ZMIZ1: variants seen among roughly 807,000 people sequenced by gnomAD.
The protein encoded by ZMIZ1 is zinc finger MIZ domain-containing protein 1.
Under a neutral mutation model 113.9 loss-of-function variants are expected in ZMIZ1, and 17 were observed. That is an observed-to-expected ratio of 0.15 (90% CI 0.10 to 0.22). The LOEUF is 0.22. Among genes scored for constraint, ZMIZ1 ranks in the 10% least tolerant of loss-of-function variants. ZMIZ1 has a pLI of 1.00. For synonymous variants in ZMIZ1, 607 were observed against 603.1 expected (o/e 1.01, Z -0.09); for missense variants, 1,059 against 1,477.8 (o/e 0.72, Z 4.65).
In ZMIZ1 at chr10:79,292,151, C is replaced by A. The variant is rs748669899; in HGVS notation, c.759-7C>A. On this transcript the variant is annotated splice_region_variant and splice_polypyrimidine_tract_variant and intron_variant, in intron 10 of 24. Coordinates refer to ENST00000334512, the MANE Select transcript of ZMIZ1 (RefSeq NM_020338.4). ...TACCTAACTCTTCCACCCTTCTCCCCCTGCAGTTACCCTGGGGGTCCTAAC... is the reference window on the plus strand; with the variant it reads ...TACCTAACTCTTCCACCCTTCTCCCACTGCAGTTACCCTGGGGGTCCTAAC... 1.4e-5 allele frequency: 23 copies of A among 1,604,688 alleles called. No homozygotes were observed. Among genetic ancestry groups the A allele is most frequent in the Non-Finnish European group, 1.4e-5 (16 of 1,174,388 alleles).
At position 79,203,463 on chromosome 10, in the gene ZMIZ1, C is replaced by T. The variant is rs183698363; in HGVS notation, c.60+1771C>T. 1.1e-3 allele frequency among the ~76,000 whole-genome samples: 160 copies of T among 152,232 alleles called. 2 individuals are homozygous for T. The South Asian group carries it at 0.029, about 27-fold the overall frequency. On this transcript the variant is annotated intron_variant, in intron 5 of 24. Coordinates refer to ENST00000334512, the MANE Select transcript of ZMIZ1 (RefSeq NM_020338.4). ...ACACTCCCTCCTCCCACTCAGGGTT[C>T]TGCAGGGCTCTTTCCTAGCTCTACC... is the stretch of plus-strand genomic sequence containing the variant.
intron 4 of ZMIZ1, among the ~76,000 whole-genome samples, chr10:79,193,661 G>A (rs915953109): frequency 3.3e-5 from 5 of 152,158 alleles, no homozygotes; most frequent in African/African-American, 9.7e-5. Flanking sequence ...GTGCTGCTAC[G>A]ATGGGGGTGT....
At chr10:79,215,427 A>G (rs1848683995) in intron 6 of ZMIZ1, among the ~76,000 whole-genome samples, 1 of 151,730 alleles carries the variant, frequency 6.6e-6, no homozygotes, top group African/African-American at 2.4e-5. Context: ...AGCCTCCAGA[A>G]TTGCTGGGAT....
intron 9 of ZMIZ1, among the ~76,000 whole-genome samples, chr10:79,290,589 G>A (rs373042350): frequency 1.3e-4 from 20 of 152,258 alleles, no homozygotes; most frequent in South Asian, 4.2e-4. Context: ...ATCCAGGCTC[G>A]TTTGTGGGGC....
At position 79,275,641 on chromosome 10, in the gene ZMIZ1, T is replaced by C. The variant is rs370143742; in HGVS notation, c.281-1540T>C. Among the ~76,000 whole-genome samples the C allele has an allele frequency of 3.0e-4, 46 of 152,350 alleles. No homozygotes were observed. The East Asian group carries it at 8.5e-3, about 28-fold the overall frequency. ...TACAAGAGGCCTGAGGGGTTCCTTA[T>C]TGAGTCAGAGGGGCTGGGGAGCTGT... On this transcript the variant is annotated intron_variant, in intron 7 of 24. Coordinates refer to ENST00000334512, the MANE Select transcript of ZMIZ1 (RefSeq NM_020338.4).
intron 7 of ZMIZ1, among the ~76,000 whole-genome samples, chr10:79,267,873 C>T (rs1451751591): frequency 6.6e-6 from 1 of 152,180 alleles, no homozygotes; most frequent in Non-Finnish European, 1.5e-5. Context: ...GGAGTCCAGG[C>T]CCGTGTTGAC....
intron 16 of ZMIZ1, 100 bp from the exon 17 acceptor site, chr10:79,300,632 G>T (rs1854230657): frequency 7.2e-7 from 1 of 1,394,364 alleles, no homozygotes; most frequent in Admixed American, 2.0e-5. Flanking sequence ...GATCTCGGAG[G>T]TTGTGGTGTG....
intron 1 of ZMIZ1, among the ~76,000 whole-genome samples, chr10:79,105,112 C>T (rs1843509514): frequency 6.6e-6 from 1 of 152,176 alleles, no homozygotes; most frequent in South Asian, 2.1e-4. Flanking sequence ...AGACTAGCTT[C>T]CCGAGCCCAA....
chr10:79,215,993 G>A (rs991273315), intron 6 of ZMIZ1, among the ~76,000 whole-genome samples, 176 bp from the exon 7 acceptor site: 11 of 152,332 alleles, frequency 7.2e-5, no homozygotes, highest in Admixed American at 5.2e-4. Context: ...TGGCACGGAA[G>A]AGGTGTTCAT....
intron 3 of ZMIZ1, among the ~76,000 whole-genome samples, chr10:79,142,775 A>G (rs887290997): frequency 2.0e-5 from 3 of 152,138 alleles, no homozygotes; most frequent in African/African-American, 7.2e-5. Context: ...CACTTTCTTC[A>G]GCTAGCACTA....
intron 7 of ZMIZ1, among the ~76,000 whole-genome samples, chr10:79,248,650 G>T (rs1385518464): frequency 6.6e-6 from 1 of 152,176 alleles, no homozygotes; most frequent in African/African-American, 2.4e-5. Context: ...GCCCATGGTG[G>T]GGGGCGAGGG....
intron 5 of ZMIZ1, among the ~76,000 whole-genome samples, chr10:79,208,125 A>AGG (rs1374742169): frequency 2.5e-4 from 1 of 4,072 alleles, no homozygotes; most frequent in African/African-American, 8.9e-4. Flanking sequence ...GGTGGGGTGG[A>AGG]GGTGGGGGTG....
chr10:79,176,822 T>C (rs968196988), intron 4 of ZMIZ1, among the ~76,000 whole-genome samples: 2 of 152,194 alleles, frequency 1.3e-5, no homozygotes, highest in African/African-American at 2.4e-5. Context: ...TCTGATGGCA[T>C]TGGGAAGTCT....
At chr10:79,153,462 G>T (rs1845783742) in intron 3 of ZMIZ1, among the ~76,000 whole-genome samples, 2 of 152,228 alleles carry the variant, frequency 1.3e-5, no homozygotes, top group Admixed American at 6.5e-5. Flanking sequence ...GGGGAAAGTC[G>T]AGCTTCCCTG....
chr10:79,092,863 G>GT (rs1235425889), intron 1 of ZMIZ1, among the ~76,000 whole-genome samples: 2 of 151,726 alleles, frequency 1.3e-5, no homozygotes, highest in African/African-American at 4.8e-5. Flanking sequence ...GGTGTATTTT[G>GT]TTTTTTTTCT....
At chr10:79,251,489 C>T (rs1206908976) in intron 7 of ZMIZ1, among the ~76,000 whole-genome samples, 3 of 152,128 alleles carry the variant, frequency 2.0e-5, no homozygotes, top group Non-Finnish European at 4.4e-5. Flanking sequence ...CTTTATTGTC[C>T]ATTGCAGCCC....
intron 3 of ZMIZ1, among the ~76,000 whole-genome samples, chr10:79,160,235 A>G (rs1450964769): frequency 6.6e-6 from 1 of 152,186 alleles, no homozygotes; most frequent in Non-Finnish European, 1.5e-5. Context: ...GTGAACCCCA[A>G]AACTGTTTGT....
At chr10:79,106,347 C>A (rs1843558031) in intron 1 of ZMIZ1, among the ~76,000 whole-genome samples, 1 of 152,234 alleles carries the variant, frequency 6.6e-6, no homozygotes, top group African/African-American at 2.4e-5. Context: ...CTGAGAGTGA[C>A]AGCCTGGAGT....
chr10:79,247,763 G>A (rs1589482969), intron 7 of ZMIZ1, among the ~76,000 whole-genome samples: 2 of 152,336 alleles, frequency 1.3e-5, no homozygotes, highest in South Asian at 4.1e-4. Context: ...AAACCACCCT[G>A]GAGAGTTGTT....
Sources: allele counts gnomAD v4.1 joint callset (sites outside exome capture counted in the v4.1 genomes callset), GRCh38; gene constraint gnomAD v4.1.1; transcripts MANE v1.5; gene names NCBI Gene and HGNC (gene_info 2026-07-23, HGNC 2026-07-21).